LIG1: variants seen among roughly 807,000 people sequenced by gnomAD.
LIG1 encodes the protein DNA ligase 1.
In LIG1, 70 loss-of-function variants were observed where a neutral mutation model predicts 115.7. That is an observed-to-expected ratio of 0.60 (90% CI 0.50 to 0.74). LIG1 has a LOEUF of 0.74. Ranked by LOEUF, LIG1 falls within the 30% of genes least tolerant of loss-of-function variation. LIG1 has a pLI of 0.00. For synonymous variants in LIG1, 487 were observed against 495.3 expected, an observed-to-expected ratio of 0.98 and a Z score of 0.22; for missense variants, 1,115 against 1,225.6, an observed-to-expected ratio of 0.91 and a Z score of 1.35.
intron 2 of LIG1, 89 bp from the exon 3 acceptor site, chr19:48,162,440 T>C (rs2036236804): frequency 1.0e-6 from 1 of 1,003,684 alleles, no homozygotes; most frequent in Non-Finnish European, 1.5e-6. Context: ...TTCCTTTTTT[T>C]TTTTTTTTTT....
intron 5 of LIG1, 133 bp downstream of exon 5, chr19:48,156,881 G>C: frequency 1.3e-6 from 1 of 757,236 alleles, no homozygotes; most frequent in Non-Finnish European, 1.9e-6. Context: ...GCGGAGGTCA[G>C]TGAGCCGAGA....
chr19:48,168,367 G>A (rs991106944), intron 1 of LIG1, among the ~76,000 whole-genome samples: 3 of 152,170 alleles, frequency 2.0e-5, no homozygotes, highest in African/African-American at 7.2e-5. Flanking sequence ...GTTCAGGCAA[G>A]GCTTCAAAAC....
chr19:48,141,874 C>G (rs376905348), intron 11 of LIG1, among the ~76,000 whole-genome samples: 4 of 152,284 alleles, frequency 2.6e-5, no homozygotes, highest in African/African-American at 7.2e-5. Context: ...AACAGCCCCC[C>G]CAAAATTCAG....
At chr19:48,161,303 C>T in intron 4 of LIG1, 69 bp downstream of exon 4, 2 of 1,593,828 alleles carry the variant, frequency 1.3e-6, no homozygotes, top group East Asian at 2.2e-5. Flanking sequence ...ACAGCTGCTG[C>T]ACTCTGTTCC....
chr19:48,154,425 C>T (rs2035707815), intron 5 of LIG1: 1 of 229,242 alleles, frequency 4.4e-6, no homozygotes, highest in Non-Finnish European at 8.9e-6. Flanking sequence ...GTATAAATAC[C>T]CCAGCTGCCT....
At chr19:48,154,497 G>C (rs1027574775) in intron 5 of LIG1, 4 of 206,716 alleles carry the variant, frequency 1.9e-5, no homozygotes, top group African/African-American at 9.1e-5. Flanking sequence ...ACAAAACTAA[G>C]CTCCAGCTGC....
intron 11 of LIG1, 28 bp downstream of exon 11, chr19:48,143,515 C>G: frequency 1.8e-6 from 1 of 561,084 alleles, no homozygotes; most frequent in Non-Finnish European, 3.4e-6. Flanking sequence ...CGACCCCGCC[C>G]CCCACCCAGG....
intron 4 of LIG1, among the ~76,000 whole-genome samples, chr19:48,158,421 G>C (rs2122980692): frequency 6.6e-6 from 1 of 152,286 alleles, no homozygotes; most frequent in East Asian, 1.9e-4. Context: ...CTGCACTCAG[G>C]AGAGAGAAAA....
chr19:48,162,411 C>A (rs760421917), intron 2 of LIG1, 60 bp from the exon 3 acceptor site: 30 of 1,106,284 alleles, frequency 2.7e-5, no homozygotes, highest in Middle Eastern at 2.5e-4. Flanking sequence ...CCCTGCCTAT[C>A]TATGCTGTAT....
rs1242794622 is a variant in LIG1, at chr19:48,168,409, T to A, written c.-58+1832A>T. ...TGGCTGGCTCCAAAGCCCACGTTCC[T>A]TTCTCCTTACCACGGTACTCAAGGC... On this transcript the variant is annotated intron_variant, in intron 1 of 27. Coordinates refer to ENST00000263274, the MANE Select transcript of LIG1 (RefSeq NM_000234.3). Among the ~76,000 whole-genome samples the A allele has an allele frequency of 1.3e-5, 2 of 152,222 alleles. 1 individual carries two copies. Among genetic ancestry groups the A allele is most frequent in the Non-Finnish European group, 2.9e-5 (2 of 68,040 alleles).
intron 18 of LIG1, 88 bp downstream of exon 18, chr19:48,132,894 C>T (rs951555740): frequency 1.7e-5 from 16 of 956,416 alleles, no homozygotes; most frequent in African/African-American, 8.1e-5. Context: ...TGGCGCAGGC[C>T]GGCTTGAAGC....
rs1691806732 is a variant in LIG1 at position 48,123,155 on chromosome 19, G to A, written c.2149+19C>T. The A allele has an allele frequency of 3.7e-6, 6 of 1,613,938 alleles. No individual in the cohort carries two copies. In the Admixed American group the frequency reaches 1.0e-4, roughly 27 times the overall value. On this transcript the variant is annotated intron_variant, in intron 22 of 27. Transcript: ENST00000263274. ...AGCGCAAGCTGCAGACCTCAGGAGA[G>A]AAAAGTGAGCACCCTCACCTTTCAC...
Position 48,137,637 on chromosome 19 carries a change from C to T in LIG1, c.1139G>A (p.Gly380Glu). Residue 380 changes from glycine to glutamate, a missense_variant, in exon 13 of 28, where the codon GGG (glycine) becomes GAG (glutamate). Coordinates refer to ENST00000263274, the MANE Select transcript of LIG1 (RefSeq NM_000234.3). The surrounding 1 kb of genome is among the most constrained non-coding windows in gnomAD (Gnocchi z 4.3). The stretch of plus-strand genomic sequence containing the variant: ...GCTGCGGCTGTTCTCGGCCACCAGC[C>T]CCACGTCGCCTTTCTCGGCTGCCTC... The part of the protein sequence containing the change: ...RAEAAEKGDV[G>E]LVAENSRSTQ... 6.2e-7 allele frequency: 1 copy of T among 1,610,440 alleles called. No homozygotes were observed. The highest frequency in any genetic ancestry group is 8.5e-7 in the Non-Finnish European group (1 of 1,179,714).
intron 6 of LIG1, among the ~76,000 whole-genome samples, chr19:48,152,805 G>A (rs1284811151): frequency 6.6e-6 from 1 of 152,134 alleles, no homozygotes; most frequent in Non-Finnish European, 1.5e-5. Flanking sequence ...AATCAACATA[G>A]AACAGGAAAT....
chr19:48,151,180 G>T, intron 7 of LIG1, 52 bp downstream of exon 7: 1 of 1,120,388 alleles, frequency 8.9e-7, no homozygotes, highest in South Asian at 1.3e-5. Context: ...AAAGACTTCT[G>T]ACCCCAAAAT....
intron 9 of LIG1, chr19:48,146,024 T>G (rs1271387182): frequency 2.6e-5 from 4 of 152,274 alleles, no homozygotes; most frequent in Non-Finnish European, 4.4e-5. Flanking sequence ...TTTGGAGCAT[T>G]GCGTCAGGGA....
Position 48,117,666 on chromosome 19 carries a change from G to A in LIG1, c.2555C>T (p.Ser852Phe), listed in dbSNP as rs763921969. The A allele has an allele frequency of 1.2e-6, 2 of 1,612,836 alleles. No individual in the cohort carries two copies. The highest frequency in any genetic ancestry group is 1.7e-6 in the Non-Finnish European group (2 of 1,179,642). The change falls in exon 26 of 28, where the codon TCT becomes TTT. Residue 852 changes from serine (S) to phenylalanine (F), a missense_variant. By Grantham distance (155) the Ser-to-Phe change is radical. Coordinates refer to ENST00000263274, the MANE Select transcript of LIG1 (RefSeq NM_000234.3). ...GCCCCGCGCAGCAGGGTAGATGGGA[G>A]AGAGGGAGAGGTCAGCGCACTTCAC... Reference protein sequence around the residue: ...WEVKCADLSLSPIYPAARGLV... With the variant: ...WEVKCADLSLFPIYPAARGLV...
chr19:48,147,307 C>T (rs1010942367), intron 9 of LIG1: 1 of 152,108 alleles, frequency 6.6e-6, no homozygotes, highest in Non-Finnish European at 1.5e-5. Context: ...GAAGTCCACG[C>T]TGCTAACACC....
chr19:48,165,965 G>A (rs745306870), intron 1 of LIG1, among the ~76,000 whole-genome samples: 7 of 152,148 alleles, frequency 4.6e-5, no homozygotes, highest in African/African-American at 1.4e-4. Flanking sequence ...ACATAATTCC[G>A]TGAAACAACT....
Sources: gnomAD v4.1 joint callset for allele counts (sites outside exome capture counted in the v4.1 genomes callset) on GRCh38, gnomAD v4.1.1 for gene constraint, Gnocchi (gnomAD v3.1) non-coding constraint, MANE v1.5 for transcripts, NCBI Gene and HGNC (gene_info 2026-07-23, HGNC 2026-07-21) for gene names.